DLC1: variants seen among roughly 807,000 people sequenced by gnomAD.
DLC1 encodes the protein DLC1 Rho GTPase activating protein.
A neutral mutation model predicts 140.3 loss-of-function variants in DLC1; 54 were observed. That is an observed-to-expected ratio of 0.38 (90% CI 0.31 to 0.48). The LOEUF (loss-of-function observed/expected upper bound fraction) is 0.48. Among genes scored for constraint, DLC1 ranks in the 20% least tolerant of loss-of-function variants. The pLI is 0.96. For missense variants in DLC1, 2,536 were observed against 1,907.0 expected, an observed-to-expected ratio of 1.33 and a Z score of -6.14; for synonymous variants, 986 against 728.1, an observed-to-expected ratio of 1.35 and a Z score of -5.70.
Position 13,094,893 on chromosome 8 carries a change from C to A in DLC1, c.3392G>T (p.Gly1131Val). Residue 1131 changes from glycine (G) to valine (V), a missense_variant, in exon 12 of 18, where the codon GGT becomes GTT. Coordinates refer to ENST00000276297, the MANE Select transcript of DLC1 (RefSeq NM_182643.3). ...TTCGTAGTTGACACAGTCTATGGCA[C>A]CTTCATTCATCTGGCGCAGAGCCTG... is the stretch of plus-strand genomic sequence containing the variant. ...RIQALRQMNE[G>V]AIDCVNYEGQ... is the part of the protein sequence containing the mutation. 6.2e-7 allele frequency: 1 copy of A among 1,614,234 alleles called. No homozygotes were observed. Among genetic ancestry groups the A allele is most frequent in the Non-Finnish European group, 8.5e-7 (1 of 1,180,044 alleles).
intron 3 of DLC1, among the ~76,000 whole-genome samples, chr8:13,395,223 C>G (rs992655498): frequency 6.6e-6 from 1 of 151,646 alleles, no homozygotes; most frequent in Non-Finnish European, 1.5e-5. Context: ...TGAGTTCATG[C>G]AATTCTCCTG....
intron 4 of DLC1, among the ~76,000 whole-genome samples, chr8:13,368,940 C>T (rs1309740606): frequency 2.6e-5 from 4 of 152,170 alleles, no homozygotes; most frequent in Admixed American, 2.0e-4. Flanking sequence ...TCCCCTGCCT[C>T]AGCCTCCCAA....
rs57181798 is a variant in DLC1 at position 13,601,645 on chromosome 8, CAA to C, written c.-126+2890_-126+2891del. On this transcript the variant is annotated intron_variant, in intron 1 of 1. Transcript: ENST00000631382. ...TCCAGTAAAGAGCCAGGATAATAGACAAAAAAAAAACAAAACAAAACAACAAC... is the reference window on the plus strand; with the variant it reads ...TCCAGTAAAGAGCCAGGATAATAGACAAAAAAAACAAAACAAAACAACAAC... 8.2e-4 allele frequency among the ~76,000 whole-genome samples: 115 copies of C among 140,966 alleles called. 1 individual carries two copies. Among genetic ancestry groups the C allele is most frequent in the African/African-American group, 2.7e-3 (103 of 38,302 alleles). The allele number at this position is 140,966 out of a possible 152,430, so 92.5% of individuals were successfully genotyped here. A position where few individuals can be genotyped will look rare whatever the true frequency, so the allele number is the denominator to read the frequency against.
intron 3 of DLC1, among the ~76,000 whole-genome samples, chr8:13,396,112 T>G (rs1462923443): frequency 8.9e-5 from 13 of 145,716 alleles, no homozygotes; most frequent in African/African-American, 3.3e-4. Flanking sequence ...CAGGCTGGAG[T>G]GCAGTGGTGC....
intron 16 of DLC1, among the ~76,000 whole-genome samples, chr8:13,086,925 T>C (rs1189125795): frequency 3.9e-5 from 6 of 152,154 alleles, no homozygotes; most frequent in Admixed American, 1.3e-4. Flanking sequence ...CTCCGGGGGC[T>C]GAGATGGTAG....
At chr8:13,329,276 A>T (rs920326912) in intron 4 of DLC1, among the ~76,000 whole-genome samples, 4 of 152,152 alleles carry the variant, frequency 2.6e-5, no homozygotes, top group Admixed American at 2.6e-4. Context: ...GGTCCTATAG[A>T]GCTTTCCAAT....
chr8:13,165,207 C>T (rs903561218), intron 5 of DLC1, among the ~76,000 whole-genome samples: 3 of 152,112 alleles, frequency 2.0e-5, no homozygotes, highest in African/African-American at 7.2e-5. Flanking sequence ...ATTCAAATTT[C>T]ACTGGGTGTT....
chr8:13,371,862 T>C (rs1289233320), intron 4 of DLC1, among the ~76,000 whole-genome samples: 1 of 152,146 alleles, frequency 6.6e-6, no homozygotes, highest in South Asian at 2.1e-4. Context: ...ACTCACTCAA[T>C]AATTATTGAA....
intron 1 of DLC1, among the ~76,000 whole-genome samples, chr8:13,531,219 G>A (rs957487998): frequency 6.6e-6 from 1 of 152,160 alleles, no homozygotes; most frequent in Non-Finnish European, 1.5e-5. Context: ...AAACCACCCA[G>A]TCTATAATAA....
At chr8:13,233,975 G>T (rs1829169409) in intron 5 of DLC1, among the ~76,000 whole-genome samples, 1 of 152,158 alleles carries the variant, frequency 6.6e-6, no homozygotes, top group Admixed American at 6.5e-5. Flanking sequence ...GCTACAAGAA[G>T]CAAGTGTTTT....
At chr8:13,567,804 C>G (rs763750008) in intron 1 of DLC1, 2 of 1,551,856 alleles carry the variant, frequency 1.3e-6, no homozygotes, top group Non-Finnish European at 1.7e-6. Context: ...AAAGTCATAT[C>G]AGATACTCTG....
intron 2 of DLC1, among the ~76,000 whole-genome samples, chr8:13,451,910 G>A (rs1799078372): frequency 6.6e-6 from 1 of 152,082 alleles, no homozygotes; most frequent in East Asian, 1.9e-4. Context: ...TGGATCATAT[G>A]GTAGCTCTGT....
chr8:13,398,093 T>C (rs1837128868), intron 3 of DLC1, among the ~76,000 whole-genome samples: 2 of 151,614 alleles, frequency 1.3e-5, no homozygotes, highest in South Asian at 2.1e-4. Context: ...ATTGCGCCAC[T>C]GCACTCTAGC....
At chr8:13,197,332 T>TA (rs199618223) in intron 5 of DLC1, among the ~76,000 whole-genome samples, 1,690 of 152,052 alleles carry the variant, frequency 0.011, 41 homozygotes, top group African/African-American at 0.038. Context: ...TTTATTTTAT[T>TA]TTTTTTTAAT....
At chr8:13,265,700 C>T (rs187855796) in intron 5 of DLC1, among the ~76,000 whole-genome samples, 137 of 151,468 alleles carry the variant, frequency 9.0e-4, no homozygotes, top group African/African-American at 3.2e-3. Flanking sequence ...CTTCCTTCCT[C>T]TCCTCTCCTC....
At chr8:13,088,013 A>G (rs1323117344) in intron 16 of DLC1, among the ~76,000 whole-genome samples, 1 of 152,230 alleles carries the variant, frequency 6.6e-6, no homozygotes, top group African/African-American at 2.4e-5. Context: ...CGAGGAACAC[A>G]CTGCTAGAAT....
intron 5 of DLC1, among the ~76,000 whole-genome samples, chr8:13,267,305 C>A (rs562869647): frequency 6.6e-6 from 1 of 151,668 alleles, no homozygotes; most frequent in African/African-American, 2.4e-5. Context: ...AATGTTCTTA[C>A]TCATCTAGTT....
At chr8:13,480,823 G>T (rs756468063) in intron 2 of DLC1, among the ~76,000 whole-genome samples, 2 of 152,174 alleles carry the variant, frequency 1.3e-5, no homozygotes, top group Non-Finnish European at 2.9e-5. Context: ...AGAATCGCTT[G>T]AGCTTGGGAG....
rs781312677 is a variant in DLC1, at chr8:13,094,769, C to A, written c.3516G>T (p.Gln1172His). 7 of 1,614,034 alleles carry A rather than the reference C, an allele frequency of 4.3e-6. No individual in the cohort carries two copies. The South Asian group carries it at 5.5e-5, about 13-fold the overall frequency. The change falls in exon 12 of 18, where the codon CAG (glutamine) becomes CAT (histidine). Residue 1172 changes from glutamine to histidine, a missense_variant. By Grantham distance (24) the Gln-to-His change is conservative (BLOSUM62 0). Transcript: ENST00000276297. ...MTNKLSETFL[Q>H]IYQYVPKDQR... ...TCAAAGGACACTCACATTGGTAGAT[C>A]TGTAGAAAGGTTTCCGAGAGTTTGT...
Sources: gnomAD v4.1 joint callset for allele counts (sites outside exome capture counted in the v4.1 genomes callset) on GRCh38, gnomAD v4.1.1 for gene constraint, MANE v1.5 for transcripts, NCBI Gene and HGNC (gene_info 2026-07-23, HGNC 2026-07-21) for gene names.